The following ARHGAP23 variants were observed in gnomAD, a reference collection of about 807,000 sequenced individuals.
ARHGAP23 encodes Rho GTPase activating protein 23.
In ARHGAP23, 34 loss-of-function variants were observed where a neutral mutation model predicts 136.3. That is an observed-to-expected ratio of 0.25 (90% confidence interval 0.19 to 0.33). The LOEUF (loss-of-function observed/expected upper bound fraction) is 0.33, where lower values mean the gene tolerates loss of function less well. Ranked by LOEUF, ARHGAP23 falls within the 10% of genes least tolerant of loss-of-function variation. ARHGAP23 has a pLI of 1.00. For missense variants in ARHGAP23, 1,808 were observed against 2,139.0 expected (o/e 0.85, Z 3.05); for synonymous variants, 832 against 920.5 (o/e 0.90, Z 1.74).
At chr17:38,493,690 G>A (rs1405566028) in intron 20 of ARHGAP23, among the ~76,000 whole-genome samples, 1 of 152,236 alleles carries the variant, frequency 6.6e-6, no homozygotes, top group Non-Finnish European at 1.5e-5. Flanking sequence ...CATAGCCAGG[G>A]CAGTGCTGCT....
chr17:38,432,820 C>T (rs1022452465), intron 1 of ARHGAP23, among the ~76,000 whole-genome samples: 6 of 152,176 alleles, frequency 3.9e-5, no homozygotes, highest in Non-Finnish European at 5.9e-5. Context: ...CATAATGAGA[C>T]CCTGTCTCAA....
intron 23 of ARHGAP23, among the ~76,000 whole-genome samples, chr17:38,504,429 G>A (rs1174551840): frequency 6.6e-6 from 1 of 152,210 alleles, no homozygotes; most frequent in Non-Finnish European, 1.5e-5. Flanking sequence ...TGTAAGGAAG[G>A]GGCTGCCTCG....
intron 1 of ARHGAP23, among the ~76,000 whole-genome samples, chr17:38,440,840 C>T (rs1442049276): frequency 6.6e-6 from 1 of 152,152 alleles, no homozygotes; most frequent in Non-Finnish European, 1.5e-5. Context: ...TTCCAGGTGC[C>T]CAGCTGTCTG....
intron 2 of ARHGAP23, among the ~76,000 whole-genome samples, chr17:38,459,649 A>G (rs4791700): frequency 0.28 from 42,921 of 152,164 alleles, 6,360 homozygotes; most frequent in East Asian, 0.42. Context: ...ACCTAGGGCC[A>G]GGCAAGCCAG....
At chr17:38,470,941 T>A (rs72823860) in intron 10 of ARHGAP23, among the ~76,000 whole-genome samples, 7,473 of 151,680 alleles carry the variant, frequency 0.049, 253 homozygotes, top group Middle Eastern at 0.16. Flanking sequence ...ATATTTTTCA[T>A]GCATGATTTT....
chr17:38,438,155 T>C (rs2038843633), intron 1 of ARHGAP23, among the ~76,000 whole-genome samples: 1 of 152,056 alleles, frequency 6.6e-6, no homozygotes, highest in Admixed American at 6.6e-5. Flanking sequence ...ACCCCATCTC[T>C]ACTAAAAATA....
In ARHGAP23 at chr17:38,510,339, G is replaced by A; in HGVS notation, c.3843G>A (p.Glu1281=). The A allele has an allele frequency of 8.0e-7, 1 of 1,255,126 alleles. No homozygotes were observed. Among genetic ancestry groups the A allele is most frequent in the Non-Finnish European group, 1.0e-6 (1 of 1,000,732 alleles). 77.7% of individuals were successfully genotyped at this position (1,255,126 alleles called of 1,614,324 possible). A position where few individuals can be genotyped will look rare whatever the true frequency, so the allele number is the denominator to read the frequency against. ...ATGAGGCGGACGACGAGCGTAGCGAGCTGAGCCACGTGGAGACGGACACTG... is the reference window on the plus strand; with the variant it reads ...ATGAGGCGGACGACGAGCGTAGCGAACTGAGCCACGTGGAGACGGACACTG... The part of the protein sequence containing the change: ...AGDEADDERS[E]LSHVETDTEG... Residue 1281 remains glutamate, a synonymous_variant, in exon 24 of 24, where the codon GAG becomes GAA. Coordinates refer to ENST00000622683, the MANE Select transcript of ARHGAP23 (RefSeq NM_001199417.2). This position sits in a 1 kb window ranked among gnomAD's most constrained non-coding sequence, Gnocchi z 4.6.
At position 38,510,316 on chromosome 17, in the gene ARHGAP23, G is replaced by C. The variant is rs1390346878; in HGVS notation, c.3820G>C (p.Glu1274Gln). ...ASGRRAGAGD[E>Q]ADDERSELSH... ...CGGTCGGCGGGCAGGGGCGGGGGAT[G>C]AGGCGGACGACGAGCGTAGCGAGCT... Residue 1274 changes from glutamate to glutamine, a missense_variant, in exon 24 of 24, where the codon GAG becomes CAG. Physicochemically the swap from Glu to Gln is conservative, Grantham distance 29. This residue lies in a region of ARHGAP23 where 506 missense variants were observed against 455.8 expected (regional missense o/e 1.11). Transcript: ENST00000622683. The surrounding 1 kb of genome is among the most constrained non-coding windows in gnomAD (Gnocchi z 4.6). 2 of 1,267,014 alleles carry C rather than the reference G, an allele frequency of 1.6e-6. No homozygotes were observed. 78.5% of individuals were successfully genotyped at this position (1,267,014 alleles called of 1,614,324 possible).
chr17:38,479,107 A>C (rs2039969606), intron 12 of ARHGAP23, among the ~76,000 whole-genome samples: 1 of 152,190 alleles, frequency 6.6e-6, no homozygotes, highest in African/African-American at 2.4e-5. Flanking sequence ...TGGCAGTAGC[A>C]GTCCCTCCTG....
At chr17:38,448,716 G>C (rs1237806829) in intron 1 of ARHGAP23, among the ~76,000 whole-genome samples, 1 of 145,460 alleles carries the variant, frequency 6.9e-6, no homozygotes, top group Non-Finnish European at 1.5e-5. Flanking sequence ...CGCGAACACA[G>C]CTCACTGCAC....
Position 38,498,498 on chromosome 17 carries a change from G to A in ARHGAP23, c.3403G>A (p.Asp1135Asn), listed in dbSNP as rs1303643011. 1.4e-5 allele frequency: 21 copies of A among 1,547,406 alleles called. No homozygotes were observed. Among genetic ancestry groups the A allele is most frequent in the East Asian group, 4.9e-5 (2 of 40,722 alleles). ...CATTGGCAGGACAGTGCCCCCTGGC[G>A]ACCCGGGGTCAGGTGAGCGCAGGGG... ...PNIGRTVPPG[D>N]PGSDSTTCSS... is the part of the protein sequence containing the mutation. Residue 1135 changes from aspartate to asparagine, a missense_variant, in exon 22 of 24, where the codon GAC becomes AAC. Asp to Asn is a conservative substitution (Grantham distance 23). Around this residue, in one of 7 missense-constraint regions of ARHGAP23, gnomAD observed 104 missense variants for 131.8 expected, o/e 0.79. Transcript: ENST00000622683.
chr17:38,501,046 TA>T (rs2040507237), intron 23 of ARHGAP23: 1 of 167,286 alleles, frequency 6.0e-6, no homozygotes, highest in Non-Finnish European at 1.3e-5. Context: ...CTATAATAAA[TA>T]AAACAGATAT....
chr17:38,460,798 G>A, intron 2 of ARHGAP23, 107 bp from the exon 3 acceptor site: 1 of 1,534,554 alleles, frequency 6.5e-7, no homozygotes, highest in Non-Finnish European at 8.7e-7. Flanking sequence ...CTTGGGAGGA[G>A]ATAAGGGGTG....
intron 7 of ARHGAP23, among the ~76,000 whole-genome samples, chr17:38,467,830 CT>C (rs2039649785): frequency 6.6e-6 from 1 of 152,220 alleles, no homozygotes; most frequent in Non-Finnish European, 1.5e-5. Flanking sequence ...TTCTCCCATT[CT>C]TCCTTCCATC....
chr17:38,478,867 C>G (rs900364318), intron 12 of ARHGAP23, among the ~76,000 whole-genome samples: 1 of 152,182 alleles, frequency 6.6e-6, no homozygotes, highest in Non-Finnish European at 1.5e-5. Context: ...GGCCTGGGGT[C>G]TCTGCCAAGA....
chr17:38,428,578 G>T, intron 1 of ARHGAP23, 30 bp downstream of exon 1: 2 of 1,375,842 alleles, frequency 1.5e-6, no homozygotes, highest in South Asian at 3.2e-5. Flanking sequence ...GAAGTGGGCG[G>T]GGCCGGTAGC....
chr17:38,494,807 A>G (rs2040354937), intron 20 of ARHGAP23, among the ~76,000 whole-genome samples: 1 of 152,188 alleles, frequency 6.6e-6, no homozygotes, highest in Non-Finnish European at 1.5e-5. Context: ...AGGGCATCCC[A>G]GGCGGAAAGA....
intron 1 of ARHGAP23, among the ~76,000 whole-genome samples, chr17:38,432,669 A>G (rs1476813897): frequency 6.6e-6 from 1 of 151,802 alleles, no homozygotes; most frequent in Admixed American, 6.6e-5. Flanking sequence ...ACAAGAGCAA[A>G]ATGTAGTCTT....
chr17:38,460,991 C>T, intron 3 of ARHGAP23, 59 bp downstream of exon 3: 1 of 1,525,902 alleles, frequency 6.6e-7, no homozygotes, highest in Non-Finnish European at 8.8e-7. Flanking sequence ...GCTCCTGTCT[C>T]TCCCTGTCCT....
Sources: gnomAD v4.1 joint callset for allele counts (sites outside exome capture counted in the v4.1 genomes callset) on GRCh38, gnomAD v4.1.1 for gene constraint, gnomAD v4.1.1 regional missense constraint, Gnocchi (gnomAD v3.1) non-coding constraint, MANE v1.5 for transcripts, NCBI Gene and HGNC (gene_info 2026-07-23, HGNC 2026-07-21) for gene names.